Variants in LYST observed in about 807,000 individuals in gnomAD.
LYST encodes the protein lysosomal-trafficking regulator.
Under a neutral mutation model 413.6 loss-of-function variants are expected in LYST, and 192 were observed. The observed-to-expected ratio is 0.46, with a 90% confidence interval of 0.41 to 0.52. The LOEUF (loss-of-function observed/expected upper bound fraction) is 0.52. LYST is among the 20% of genes least tolerant of loss of function. LYST has a pLI of 0.00. For missense variants in LYST, 3,815 were observed against 4,499.9 expected, an observed-to-expected ratio of 0.85 and a Z score of 4.35; for synonymous variants, 1,525 against 1,567.3, an observed-to-expected ratio of 0.97 and a Z score of 0.64.
intron 3 of LYST, among the ~76,000 whole-genome samples, chr1:235,824,563 T>C (rs1558304589): frequency 6.6e-6 from 1 of 152,192 alleles, no homozygotes; most frequent in Non-Finnish European, 1.5e-5. Flanking sequence ...AAAGATAGGC[T>C]GGGCATGGTG....
rs545082517 is a variant in LYST, at chr1:235,707,849, T to C, written c.10143+1242A>G. Among the ~76,000 whole-genome samples the C allele has an allele frequency of 1.1e-4, 16 of 152,218 alleles. No homozygotes were observed. In the South Asian group the frequency reaches 2.9e-3, roughly 28 times the overall value. On this transcript the variant is annotated intron_variant, in intron 44 of 52. Coordinates refer to ENST00000389793, the MANE Select transcript of LYST (RefSeq NM_000081.4). ...CTTATACAAACATTTGGAACCAGAA[T>C]TGTTTTGGATTTCAGGGTTTTTTTG...
chr1:235,861,286 G>C (rs1402037766), intron 1 of LYST, among the ~76,000 whole-genome samples: 1 of 152,128 alleles, frequency 6.6e-6, no homozygotes, highest in Non-Finnish European at 1.5e-5. Context: ...TCTTGATTAA[G>C]ATAATCAATT....
intron 1 of LYST, among the ~76,000 whole-genome samples, chr1:235,835,415 G>A (rs1046488595): frequency 9.9e-5 from 15 of 152,102 alleles, no homozygotes; most frequent in African/African-American, 3.1e-4. Context: ...CTAACTCAGC[G>A]TGGCCGTAAG....
intron 1 of LYST, among the ~76,000 whole-genome samples, chr1:235,855,695 A>G (rs1048943660): frequency 6.6e-6 from 1 of 152,164 alleles, no homozygotes. Flanking sequence ...TATATTTTGC[A>G]TAAGGTTAAA....
Position 235,693,401 on chromosome 1 carries a change from A to C in LYST, c.10650T>G (p.Ser3550Arg). 1.9e-6 allele frequency: 3 copies of C among 1,613,554 alleles called. No homozygotes were observed. Among genetic ancestry groups the C allele is most frequent in the Non-Finnish European group, 2.5e-6 (3 of 1,179,466 alleles). Residue 3550 changes from serine to arginine, a missense_variant, in exon 47 of 53, where the codon AGT becomes AGG. Ser to Arg is a moderately radical substitution (Grantham distance 110). Transcript: ENST00000389793. ...AGTTTACTGGAGGCTCACTTTGTTT[A>C]CTCTTCAACCTTAAAATATTATCAG... Reference protein sequence around the residue: ...GYADNILRLKSKQSEPPVNFI... With the variant: ...GYADNILRLKRKQSEPPVNFI...
At chr1:235,689,555 A>G (rs1660490778) in intron 47 of LYST, among the ~76,000 whole-genome samples, 11 of 152,186 alleles carry the variant, frequency 7.2e-5, no homozygotes, top group Admixed American at 7.2e-4. Context: ...GTGCAGGATG[A>G]TTACGTTCTG....
intron 45 of LYST, among the ~76,000 whole-genome samples, chr1:235,699,789 T>C (rs1661402597): frequency 6.6e-6 from 1 of 152,208 alleles, no homozygotes; most frequent in African/African-American, 2.4e-5. Flanking sequence ...TGTGAGATGG[T>C]ATCTCCTTGT....
intron 3 of LYST, among the ~76,000 whole-genome samples, chr1:235,825,986 A>G (rs1213107828): frequency 6.6e-6 from 1 of 152,228 alleles, no homozygotes; most frequent in Non-Finnish European, 1.5e-5. Context: ...TACATGAAAG[A>G]TCAGTGGAAC....
Position 235,791,941 on chromosome 1 carries a change from C to T in LYST, c.4301G>A (p.Ser1434Asn), listed in dbSNP as rs981102173. ...ACTCTCTCTATCAGCCTCTTTCTTG[C>T]TCCGTGAAACTCGTGCTCTTCTCAA... ...GLLRRARVSR[S>N]KKEADRESFP... Residue 1434 changes from serine (S) to asparagine (N), a missense_variant, in exon 12 of 53, where the codon AGC becomes AAC. By Grantham distance (46) the Ser-to-Asn change is conservative (BLOSUM62 1). Transcript: ENST00000389793. 1 of 1,614,098 alleles carries T rather than the reference C, an allele frequency of 6.2e-7. No homozygotes were observed. The highest frequency in any genetic ancestry group is 1.1e-5 in the South Asian group (1 of 91,080).
Position 235,702,860 on chromosome 1 carries a change from T to C in LYST, c.10261A>G (p.Ser3421Gly). 1 of 1,614,150 alleles carries C rather than the reference T, an allele frequency of 6.2e-7. No individual in the cohort carries two copies. The highest frequency in any genetic ancestry group is 8.5e-7 in the Non-Finnish European group (1 of 1,179,978). The change falls in exon 45 of 53, where the codon AGC becomes GGC. Residue 3421 changes from serine to glycine, a missense_variant. Coordinates refer to ENST00000389793, the MANE Select transcript of LYST (RefSeq NM_000081.4). Reference sequence around the variant, plus strand: ...ATATTGAGCTTGGCTCCAGGTCTGCTCACATGGGCCATGTGGAACAGCTGA... The same window carrying C: ...ATATTGAGCTTGGCTCCAGGTCTGCCCACATGGGCCATGTGGAACAGCTGA... ...PRQLFHMAHV[S>G]RPGAKLNIEG...
At chr1:235,823,833 CA>C (rs1675043990) in intron 3 of LYST, among the ~76,000 whole-genome samples, 3 of 152,200 alleles carry the variant, frequency 2.0e-5, no homozygotes. Context: ...CTACATTCAC[CA>C]AATACTTTTT....
intron 7 of LYST, among the ~76,000 whole-genome samples, chr1:235,803,848 A>G (rs1672517432): frequency 6.6e-6 from 1 of 152,178 alleles, no homozygotes; most frequent in Non-Finnish European, 1.5e-5. Flanking sequence ...ACCTTATAAA[A>G]CATTATATAT....
chr1:235,735,500 A>G (rs557059751), intron 31 of LYST: 39 of 152,280 alleles, frequency 2.6e-4, no homozygotes, highest in African/African-American at 8.9e-4. Flanking sequence ...CCAAACGTTC[A>G]TTCACGGTTT....
chr1:235,719,080 G>T lies in LYST; in HGVS notation c.9560+1581C>A, dbSNP rs529960390. 2.6e-5 allele frequency among the ~76,000 whole-genome samples: 4 copies of T among 152,276 alleles called. No homozygotes were observed. In the South Asian group the frequency reaches 8.3e-4, roughly 32 times the overall value. On this transcript the variant is annotated intron_variant, in intron 40 of 52. Coordinates refer to ENST00000389793, the MANE Select transcript of LYST (RefSeq NM_000081.4). Reference sequence around the variant, plus strand: ...GTTATCCAGGCTGGGGTGCAGTGGTGCAATCTCGGCTCATCGCAACCTCCC... The same window carrying T: ...GTTATCCAGGCTGGGGTGCAGTGGTTCAATCTCGGCTCATCGCAACCTCCC...
chr1:235,676,460 CA>C (rs1659388061), intron 50 of LYST, among the ~76,000 whole-genome samples: 1 of 152,064 alleles, frequency 6.6e-6, no homozygotes, highest in South Asian at 2.1e-4. Flanking sequence ...CAATCAATGA[CA>C]GGGGATCACT....
rs1039438447 is a variant in LYST, at chr1:235,759,017, G to T, written c.6836C>A (p.Ser2279Tyr). The T allele has an allele frequency of 7.4e-6, 12 of 1,614,074 alleles. No homozygotes were observed. The highest frequency in any genetic ancestry group is 1.0e-5 in the Non-Finnish European group (12 of 1,179,984). ...GTTGTAATTTGGCTCATAACCAAGA[G>T]AATAGGCAAAGTTTTCCCAATCATC... ...NTDDWENFAYSLGYEPNYNRT... is the reference protein window; with the variant it reads ...NTDDWENFAYYLGYEPNYNRT... The change falls in exon 23 of 53, where the codon TCT (serine) becomes TAT (tyrosine). Residue 2279 changes from serine to tyrosine, a missense_variant. Ser to Tyr is a moderately radical substitution (Grantham distance 144). Coordinates refer to ENST00000389793, the MANE Select transcript of LYST (RefSeq NM_000081.4).
At position 235,757,526 on chromosome 1, in the gene LYST, T is replaced by C. The variant is rs766237620; in HGVS notation, c.6882-68A>G. ...AGTACTTGATGATTACCTTAGGAAC[T>C]GTGACAAGTAGTAGCATTTTTTAAC... On this transcript the variant is annotated intron_variant, in intron 23 of 52. Transcript: ENST00000389793. 512 of 1,163,010 alleles carry C rather than the reference T, an allele frequency of 4.4e-4. 1 individual carries two copies. Among genetic ancestry groups the C allele is most frequent in the Non-Finnish European group, 6.2e-4 (480 of 770,374 alleles). The allele number at this position is 1,163,010 out of a possible 1,614,324, so 72.0% of individuals were successfully genotyped here.
chr1:235,739,452 T>C (rs1433129758), intron 31 of LYST, among the ~76,000 whole-genome samples: 2 of 152,222 alleles, frequency 1.3e-5, no homozygotes, highest in African/African-American at 2.4e-5. Context: ...CAATATTGCA[T>C]GTATGGTGCA....
chr1:235,666,268 A>ACG (rs1271844810), intron 50 of LYST, among the ~76,000 whole-genome samples: 8 of 124,920 alleles, frequency 6.4e-5, no homozygotes, highest in Middle Eastern at 9.9e-3. Flanking sequence ...ACACACACAC[A>ACG]CAATTTTCTT....
Sources: gnomAD v4.1 joint callset for allele counts (sites outside exome capture counted in the v4.1 genomes callset) on GRCh38, gnomAD v4.1.1 for gene constraint, MANE v1.5 for transcripts, NCBI Gene and HGNC (gene_info 2026-07-23, HGNC 2026-07-21) for gene names.